MYO16: variants seen among roughly 807,000 people sequenced by gnomAD.
MYO16 encodes unconventional myosin-XVI.
In MYO16, 94 loss-of-function variants were observed where a neutral mutation model predicts 205.3. That is an observed-to-expected ratio of 0.46 (90% CI 0.39 to 0.54). The LOEUF (loss-of-function observed/expected upper bound fraction) is 0.54. Among genes scored for constraint, MYO16 ranks in the 20% least tolerant of loss-of-function variants. MYO16 has a pLI of 0.00. For synonymous variants in MYO16, 988 were observed against 954.0 expected (o/e 1.04, Z -0.66); for missense variants, 2,315 against 2,387.5 (o/e 0.97, Z 0.63).
chr13:108,954,603 G>A (rs1361714806), intron 16 of MYO16, among the ~76,000 whole-genome samples: 5 of 152,004 alleles, frequency 3.3e-5, no homozygotes, highest in African/African-American at 7.2e-5. Context: ...TTAGCCAGGC[G>A]TGGCGACATG....
intron 4 of MYO16, among the ~76,000 whole-genome samples, chr13:108,745,807 C>CA (rs1594259442): frequency 6.6e-6 from 1 of 152,230 alleles, no homozygotes; most frequent in East Asian, 1.9e-4. Context: ...AGACAACTTA[C>CA]AAAAGAGATG....
intron 32 of MYO16, among the ~76,000 whole-genome samples, chr13:109,148,110 C>A (rs1308999795): frequency 2.0e-5 from 3 of 152,086 alleles, no homozygotes; most frequent in African/African-American, 7.2e-5. Flanking sequence ...TGTTTTTAAT[C>A]CCCTAAATGT....
chr13:108,646,060 G>C (rs1275447081), intron 1 of MYO16, among the ~76,000 whole-genome samples: 1 of 152,174 alleles, frequency 6.6e-6, no homozygotes, highest in Non-Finnish European at 1.5e-5. Flanking sequence ...GGTGACCCCT[G>C]TCCTCTGGGG....
chr13:108,672,468 T>G (rs1427346421), intron 2 of MYO16, among the ~76,000 whole-genome samples: 1 of 152,180 alleles, frequency 6.6e-6, no homozygotes, highest in Non-Finnish European at 1.5e-5. Context: ...AAGGACAATA[T>G]GTCTGTGGTT....
intron 4 of MYO16, among the ~76,000 whole-genome samples, chr13:108,744,686 T>G (rs1013683023): frequency 6.6e-6 from 1 of 152,210 alleles, no homozygotes; most frequent in African/African-American, 2.4e-5. Context: ...TTTATCTTAC[T>G]TCATATATCT....
chr13:108,853,289 C>T lies in MYO16; in HGVS notation c.1249-2154C>T, dbSNP rs1877985844. Among the ~76,000 whole-genome samples, 4 of 152,134 alleles carry T rather than the reference C, an allele frequency of 2.6e-5. No individual in the cohort carries two copies. In the South Asian group the frequency reaches 8.3e-4, roughly 32 times the overall value. ...GACAACCCAGGAAACACTGGCATAGCTGGAACATTATGACTTCTATTTTTA... is the reference window on the plus strand; with the variant it reads ...GACAACCCAGGAAACACTGGCATAGTTGGAACATTATGACTTCTATTTTTA... On this transcript the variant is annotated intron_variant, in intron 10 of 34. Coordinates refer to ENST00000457511, the MANE Select transcript of MYO16 (RefSeq NM_001198950.3).
chr13:108,583,881 A>G, the MYO16 span, among the ~76,000 whole-genome samples: 5 of 152,236 alleles, frequency 3.3e-5, no homozygotes, highest in Admixed American at 6.5e-5. Context: ...TTTTGAAAAG[A>G]CATTATCAAA....
At chr13:109,045,212 C>T (rs1887002267) in intron 23 of MYO16, among the ~76,000 whole-genome samples, 1 of 152,146 alleles carries the variant, frequency 6.6e-6, no homozygotes, top group South Asian at 2.1e-4. Flanking sequence ...GTTTCTTGAC[C>T]TCAGCACTAT....
chr13:109,125,218 G>A lies in MYO16; in HGVS notation c.3642G>A (p.Gly1214=), dbSNP rs1876188742. 1.9e-6 allele frequency: 3 copies of A among 1,614,128 alleles called. No individual in the cohort carries two copies. The highest frequency in any genetic ancestry group is 1.7e-6 in the Non-Finnish European group (2 of 1,180,024). The change falls in exon 30 of 35, where the codon GGG becomes GGA. Residue 1214 remains glycine, a synonymous_variant. Transcript: ENST00000457511. The surrounding 1 kb of genome is among the most constrained non-coding windows in gnomAD (Gnocchi z 4.0). ...TTCTGCAGAACACAGAGGACATGGG[G>A]CTGAAAACCTACGATGCCCTGGTCA... ...NSFLQNTEDM[G]LKTYDALVIQ...
At chr13:108,750,107 G>A (rs1885183574) in intron 4 of MYO16, among the ~76,000 whole-genome samples, 2 of 152,226 alleles carry the variant, frequency 1.3e-5, no homozygotes, top group African/African-American at 4.8e-5. Flanking sequence ...GGAGATCGAA[G>A]AGGAAAGGCG....
chr13:108,906,829 G>T (rs1016524453), intron 15 of MYO16, among the ~76,000 whole-genome samples: 3 of 152,088 alleles, frequency 2.0e-5, no homozygotes, highest in Admixed American at 6.6e-5. Context: ...AAGCCCAGAG[G>T]GCTGCAGGGA....
chr13:109,068,672 A>G (rs769391141), intron 27 of MYO16, among the ~76,000 whole-genome samples: 16 of 149,582 alleles, frequency 1.1e-4, no homozygotes, highest in African/African-American at 1.5e-4. Context: ...GCTCACTGCA[A>G]CCTCCACCTC....
chr13:109,078,339 T>A (rs1888180331), intron 27 of MYO16, among the ~76,000 whole-genome samples: 1 of 151,884 alleles, frequency 6.6e-6, no homozygotes, highest in Non-Finnish European at 1.5e-5. Flanking sequence ...TTCAGGAGGC[T>A]GAGGCAGGAG....
chr13:108,771,137 G>A (rs1164949688), intron 4 of MYO16, among the ~76,000 whole-genome samples: 1 of 152,152 alleles, frequency 6.6e-6, no homozygotes, highest in Non-Finnish European at 1.5e-5. Flanking sequence ...GTGGGGAGAG[G>A]TAGGGCGTAG....
At chr13:108,713,932 T>G (rs1051292015) in intron 3 of MYO16, among the ~76,000 whole-genome samples, 7 of 152,238 alleles carry the variant, frequency 4.6e-5, no homozygotes, top group Non-Finnish European at 7.3e-5. Flanking sequence ...GAGCCATGTC[T>G]CATTAGTCCC....
intron 4 of MYO16, among the ~76,000 whole-genome samples, chr13:108,759,065 A>G (rs1196027187): frequency 1.3e-5 from 2 of 152,186 alleles, no homozygotes; most frequent in African/African-American, 4.8e-5. Context: ...TCAGTAATTT[A>G]TGTTAGAAAG....
At chr13:108,884,594 A>C (rs1028709386) in intron 13 of MYO16, among the ~76,000 whole-genome samples, 1 of 152,078 alleles carries the variant, frequency 6.6e-6, no homozygotes, top group African/African-American at 2.4e-5. Flanking sequence ...AGGGGCTCTC[A>C]CCCATTCTAG....
chr13:108,516,298 C>T, the MYO16 span, among the ~76,000 whole-genome samples: 2 of 151,762 alleles, frequency 1.3e-5, no homozygotes, highest in Non-Finnish European at 1.5e-5. Flanking sequence ...ACCCCTTGCG[C>T]TTCCCAGGTG....
chr13:109,177,876 A>G (rs1879280950), intron 33 of MYO16, among the ~76,000 whole-genome samples: 1 of 152,206 alleles, frequency 6.6e-6, no homozygotes. Flanking sequence ...CTCCTGCCAC[A>G]GATCCCCTGT....
Sources: gnomAD v4.1 joint callset for allele counts (sites outside exome capture counted in the v4.1 genomes callset) on GRCh38, gnomAD v4.1.1 for gene constraint, Gnocchi (gnomAD v3.1) non-coding constraint, MANE v1.5 for transcripts, NCBI Gene and HGNC (gene_info 2026-07-23, HGNC 2026-07-21) for gene names.